The following PRKN variants were observed in gnomAD, a reference collection of about 807,000 sequenced individuals.
PRKN encodes the protein parkin RBR E3 ubiquitin protein ligase, also known as E3 ubiquitin-protein ligase parkin.
A neutral mutation model predicts 59.5 loss-of-function variants in PRKN; 56 were observed. That is an observed-to-expected ratio of 0.94 (90% CI 0.76 to 1.18). The LOEUF is 1.18. PRKN is among the 50% of genes most tolerant of loss of function. PRKN has a pLI of 0.00. For missense variants in PRKN, 657 were observed against 596.4 expected (o/e 1.10, Z -1.06); for synonymous variants, 250 against 222.1 (o/e 1.13, Z -1.12).
At chr6:162,502,476 T>C (rs1793419910) in intron 1 of PRKN, among the ~76,000 whole-genome samples, 1 of 152,148 alleles carries the variant, frequency 6.6e-6, no homozygotes, top group African/African-American at 2.4e-5. Context: ...CCTCCTGAGA[T>C]GAAGCAAGGT....
intron 9 of PRKN, among the ~76,000 whole-genome samples, chr6:161,506,871 C>T (rs773588076): frequency 6.6e-6 from 1 of 152,190 alleles, no homozygotes; most frequent in Admixed American, 6.5e-5. Flanking sequence ...GGGGAACCAC[C>T]TTCTGTGAGA....
intron 9 of PRKN, among the ~76,000 whole-genome samples, chr6:161,404,166 T>G (rs1308176965): frequency 2.6e-5 from 4 of 152,144 alleles, no homozygotes; most frequent in African/African-American, 9.7e-5. Context: ...CACCCTGCAC[T>G]GGGTATTTCC....
Position 161,400,809 on chromosome 6 carries a change from T to C in PRKN, c.1084-13932A>G, listed in dbSNP as rs1787016361. Among the ~76,000 whole-genome samples the C allele has an allele frequency of 6.6e-6, 1 of 152,110 alleles. No individual in the cohort carries two copies. The highest frequency in any genetic ancestry group is 2.4e-5 in the African/African-American group (1 of 41,404). On this transcript the variant is annotated intron_variant, in intron 9 of 11. Transcript: ENST00000366898. The surrounding 1 kb of genome is among the most constrained non-coding windows in gnomAD (Gnocchi z 4.2). ...GCGTAACTGCCCTGCAGTGAGAGCA[T>C]ATGAATTTTTCTGCCACACACTCTG... is the stretch of plus-strand genomic sequence containing the variant.
intron 2 of PRKN, among the ~76,000 whole-genome samples, chr6:162,311,684 G>A (rs746364757): frequency 6.6e-5 from 10 of 151,726 alleles, no homozygotes; most frequent in Admixed American, 2.0e-4. Flanking sequence ...GGGTTTCACC[G>A]TGTTGGCCAG....
At chr6:161,779,440 C>CTTTTCTTTTTTT (rs1790102520) in intron 7 of PRKN, among the ~76,000 whole-genome samples, 1 of 41,840 alleles carries the variant, frequency 2.4e-5, no homozygotes, top group African/African-American at 1.0e-4. Context: ...CTTTTCTTTT[C>CTTTTCTTTTTTT]TTTTTTTTTT....
intron 2 of PRKN, among the ~76,000 whole-genome samples, chr6:162,380,304 C>T (rs1419807231): frequency 6.6e-6 from 1 of 151,178 alleles, no homozygotes; most frequent in Non-Finnish European, 1.5e-5. Context: ...ACACAGAGTT[C>T]TGAATACATG....
At chr6:162,621,664 G>A (rs976467833) in intron 1 of PRKN, among the ~76,000 whole-genome samples, 7 of 152,158 alleles carry the variant, frequency 4.6e-5, no homozygotes, top group African/African-American at 1.4e-4. Flanking sequence ...ATGTTGTCAT[G>A]AAACTTTATT....
intron 6 of PRKN, among the ~76,000 whole-genome samples, chr6:161,882,918 T>A (rs887795929): frequency 6.6e-6 from 1 of 151,454 alleles, no homozygotes; most frequent in African/African-American, 2.4e-5. Context: ...GGCATGATAA[T>A]CGCTTGAATC....
At chr6:162,223,547 A>C (rs1376560761) in intron 3 of PRKN, among the ~76,000 whole-genome samples, 1 of 151,786 alleles carries the variant, frequency 6.6e-6, no homozygotes, top group African/African-American at 2.4e-5. Flanking sequence ...AATTAAATCA[A>C]TGCTTGATTA....
At chr6:162,319,665 G>C (rs951937841) in intron 2 of PRKN, among the ~76,000 whole-genome samples, 7 of 151,880 alleles carry the variant, frequency 4.6e-5, no homozygotes, top group Admixed American at 4.6e-4. Context: ...AAATAGGCTT[G>C]GGATGCTTAC....
intron 7 of PRKN, among the ~76,000 whole-genome samples, chr6:161,606,524 G>C (rs1782288584): frequency 6.6e-6 from 1 of 152,172 alleles, no homozygotes; most frequent in Admixed American, 6.5e-5. Flanking sequence ...AATGATATTG[G>C]TGCAGAAGGG....
At chr6:162,497,062 A>T (rs1360740347) in intron 1 of PRKN, among the ~76,000 whole-genome samples, 1 of 152,228 alleles carries the variant, frequency 6.6e-6, no homozygotes, top group Non-Finnish European at 1.5e-5. Context: ...GTGATGTTGT[A>T]ATGGCTAATT....
At chr6:162,678,061 A>G (rs1779620246) in intron 1 of PRKN, among the ~76,000 whole-genome samples, 1 of 152,282 alleles carries the variant, frequency 6.6e-6, no homozygotes, top group Middle Eastern at 3.4e-3. Flanking sequence ...CACACAGTTT[A>G]TATTCTTTTG....
intron 2 of PRKN, among the ~76,000 whole-genome samples, chr6:162,383,371 T>C (rs1786601823): frequency 6.6e-6 from 1 of 152,196 alleles, no homozygotes; most frequent in Non-Finnish European, 1.5e-5. Flanking sequence ...AACATTCACC[T>C]CCTTGAACAT....
intron 6 of PRKN, among the ~76,000 whole-genome samples, chr6:161,951,830 G>C (rs1234102594): frequency 2.0e-5 from 3 of 151,956 alleles, no homozygotes; most frequent in Admixed American, 2.0e-4. Context: ...GCTGAGGCAG[G>C]AGAATTGCTT....
At chr6:162,043,249 T>C (rs529476684) in intron 5 of PRKN, among the ~76,000 whole-genome samples, 2 of 152,274 alleles carry the variant, frequency 1.3e-5, no homozygotes, top group African/African-American at 4.8e-5. Flanking sequence ...CAATTCAAGC[T>C]GAGATTTGGG....
At chr6:162,634,323 C>G (rs1562455260) in intron 1 of PRKN, among the ~76,000 whole-genome samples, 1 of 152,064 alleles carries the variant, frequency 6.6e-6, no homozygotes, top group Non-Finnish European at 1.5e-5. Context: ...TCTTCCTTCC[C>G]CACCCTTAAA....
chr6:162,512,106 C>T (rs570388687), intron 1 of PRKN, among the ~76,000 whole-genome samples: 2 of 151,854 alleles, frequency 1.3e-5, no homozygotes, highest in East Asian at 1.9e-4. Context: ...GATTCTTAGA[C>T]GAATCTATCT....
chr6:161,936,906 C>T (rs1352121240), intron 6 of PRKN, among the ~76,000 whole-genome samples: 2 of 148,308 alleles, frequency 1.3e-5, no homozygotes, highest in African/African-American at 2.6e-5. Flanking sequence ...CTGCCTCAGC[C>T]TCCCAAGTAG....
Sources: allele counts gnomAD v4.1 joint callset (sites outside exome capture counted in the v4.1 genomes callset), GRCh38; gene constraint gnomAD v4.1.1; non-coding constraint Gnocchi (gnomAD v3.1); transcripts MANE v1.5; gene names NCBI Gene and HGNC (gene_info 2026-07-23, HGNC 2026-07-21).